Variants in DOCK3 observed in about 807,000 individuals in gnomAD.
DOCK3 encodes dedicator of cytokinesis 3.
Under a neutral mutation model 265.6 loss-of-function variants are expected in DOCK3, and 60 were observed. The observed-to-expected ratio is 0.23, with a 90% CI of 0.18 to 0.28. The LOEUF is 0.28. Ranked by LOEUF, DOCK3 falls within the 10% of genes least tolerant of loss-of-function variation. The pLI is 1.00. For synonymous variants in DOCK3, 881 were observed against 938.0 expected, an observed-to-expected ratio of 0.94 and a Z score of 1.11; for missense variants, 1,981 against 2,594.3, an observed-to-expected ratio of 0.76 and a Z score of 5.14.
At chr3:50,791,921 T>C (rs1010420340) in intron 2 of DOCK3, among the ~76,000 whole-genome samples, 3 of 152,188 alleles carry the variant, frequency 2.0e-5, no homozygotes, top group Admixed American at 6.5e-5. Flanking sequence ...GGATATTTTT[T>C]TATTCCTTGG....
chr3:51,252,653 GCT>G (rs1334773082), intron 22 of DOCK3, among the ~76,000 whole-genome samples: 5 of 152,026 alleles, frequency 3.3e-5, no homozygotes, highest in African/African-American at 9.7e-5. Context: ...TCCTGATTTG[GCT>G]CTCTGTTTGT....
intron 5 of DOCK3, among the ~76,000 whole-genome samples, chr3:51,053,825 T>G (rs1347538025): frequency 6.6e-6 from 1 of 152,174 alleles, no homozygotes; most frequent in Non-Finnish European, 1.5e-5. Flanking sequence ...AACCTTGTTT[T>G]TCTTAGGGTT....
chr3:50,881,176 G>T (rs1381580939), intron 3 of DOCK3: 1 of 152,270 alleles, frequency 6.6e-6, no homozygotes, highest in African/African-American at 2.4e-5. Context: ...ATGTCATACT[G>T]AATGGGCAAA....
intron 27 of DOCK3, among the ~76,000 whole-genome samples, chr3:51,307,110 T>G (rs2082728281): frequency 6.6e-6 from 1 of 152,156 alleles, no homozygotes; most frequent in Admixed American, 6.5e-5. Flanking sequence ...AGTGACATTA[T>G]TGGACTCATT....
intron 4 of DOCK3, among the ~76,000 whole-genome samples, chr3:50,891,819 T>G (rs1483260479): frequency 6.6e-6 from 1 of 152,038 alleles, no homozygotes; most frequent in Admixed American, 6.6e-5. Context: ...TTTCTGATGA[T>G]GAGGAACTTA....
At chr3:51,218,810 C>G (rs1248633058) in intron 14 of DOCK3, among the ~76,000 whole-genome samples, 1 of 152,162 alleles carries the variant, frequency 6.6e-6, no homozygotes, top group Non-Finnish European at 1.5e-5. Flanking sequence ...CAGTGTGCCT[C>G]AGAATCACCT....
intron 4 of DOCK3, among the ~76,000 whole-genome samples, chr3:50,930,159 A>G (rs1481044667): frequency 6.6e-6 from 1 of 152,242 alleles, no homozygotes. Context: ...GATCTTAATG[A>G]TTAAAGTAGC....
intron 1 of DOCK3, among the ~76,000 whole-genome samples, chr3:50,720,160 C>T (rs1017083933): frequency 3.3e-5 from 5 of 151,672 alleles, no homozygotes; most frequent in African/African-American, 1.2e-4. Flanking sequence ...TATTTTAGGT[C>T]CAGAGGTACA....
At chr3:51,239,974 T>C (rs534873984) in intron 21 of DOCK3, among the ~76,000 whole-genome samples, 96 of 152,344 alleles carry the variant, frequency 6.3e-4, no homozygotes, top group Non-Finnish European at 1.2e-3. Flanking sequence ...GGTTATTTCA[T>C]GTCTTCTGCT....
intron 5 of DOCK3, among the ~76,000 whole-genome samples, chr3:50,950,010 CTT>C (rs36089679): frequency 2.5e-4 from 36 of 141,266 alleles, no homozygotes; most frequent in African/African-American, 2.3e-4. Context: ...ATTTTTAAAT[CTT>C]TTTTTTTTTT....
At position 51,333,144 on chromosome 3, in the gene DOCK3, C is replaced by A. The variant is rs542119276; in HGVS notation, c.3516-14C>A. 1.2e-6 allele frequency: 2 copies of A among 1,613,904 alleles called. No homozygotes were observed. The highest frequency in any genetic ancestry group is 2.7e-5 in the African/African-American group (2 of 75,050). On this transcript the variant is annotated splice_polypyrimidine_tract_variant and intron_variant, in intron 34 of 52. Coordinates refer to ENST00000266037, the MANE Select transcript of DOCK3 (RefSeq NM_004947.5). ...CATGAATTGTGTTTGCTTTCTCCAC[C>A]CCTCCACCAATAGCCTGCTGGAGAA...
chr3:50,947,362 T>G (rs2076455490), intron 5 of DOCK3, among the ~76,000 whole-genome samples: 1 of 151,874 alleles, frequency 6.6e-6, no homozygotes, highest in Non-Finnish European at 1.5e-5. Context: ...TTATTTAGAG[T>G]GATTATATGC....
At chr3:50,782,754 A>G (rs2041986659) in intron 2 of DOCK3, among the ~76,000 whole-genome samples, 1 of 151,866 alleles carries the variant, frequency 6.6e-6, no homozygotes. Flanking sequence ...TGTACACTGT[A>G]CCCAATGTGT....
At chr3:50,762,185 A>G (rs952562727) in intron 1 of DOCK3, among the ~76,000 whole-genome samples, 1 of 152,050 alleles carries the variant, frequency 6.6e-6, no homozygotes, top group African/African-American at 2.4e-5. Flanking sequence ...CGGCATACCA[A>G]CATGGCACAT....
chr3:51,260,120 A>C, intron 22 of DOCK3, 36 bp from the exon 23 acceptor site: 1 of 1,590,466 alleles, frequency 6.3e-7, no homozygotes, highest in Middle Eastern at 1.7e-4. Flanking sequence ...AGCATCTTCA[A>C]CATCTCTCCA....
intron 2 of DOCK3, among the ~76,000 whole-genome samples, chr3:50,812,553 T>G (rs570823398): frequency 1.3e-5 from 2 of 152,298 alleles, no homozygotes; most frequent in South Asian, 4.1e-4. Context: ...CAGGAGAGCT[T>G]GCGGTATAAG....
intron 2 of DOCK3, among the ~76,000 whole-genome samples, chr3:50,793,420 A>C (rs1476992650): frequency 7.0e-6 from 1 of 143,730 alleles, no homozygotes; most frequent in East Asian, 2.0e-4. Context: ...GTGTAGTGGC[A>C]TGATTTCAGC....
At chr3:50,706,980 A>G (rs2036450355) in intron 1 of DOCK3, among the ~76,000 whole-genome samples, 1 of 152,042 alleles carries the variant, frequency 6.6e-6, no homozygotes, top group Admixed American at 6.6e-5. Context: ...TTTTTATGAT[A>G]GTGAGTGAGT....
chr3:51,015,275 A>G (rs2079107173), intron 5 of DOCK3, among the ~76,000 whole-genome samples: 1 of 152,070 alleles, frequency 6.6e-6, no homozygotes, highest in African/African-American at 2.4e-5. Flanking sequence ...AATCTGTTAT[A>G]TATGGCTTTT....
Sources: allele counts gnomAD v4.1 joint callset (sites outside exome capture counted in the v4.1 genomes callset), GRCh38; gene constraint gnomAD v4.1.1; transcripts MANE v1.5; gene names NCBI Gene and HGNC (gene_info 2026-07-23, HGNC 2026-07-21).